ASPG: variants seen among roughly 807,000 people sequenced by gnomAD.
The protein encoded by ASPG is asparaginase, also known as 60 kDa lysophospholipase.
A neutral mutation model predicts 63.2 loss-of-function variants in ASPG; 53 were observed. The observed-to-expected ratio is 0.84, with a 90% CI of 0.67 to 1.05. The LOEUF (loss-of-function observed/expected upper bound fraction) is 1.05, where lower values mean the gene tolerates loss of function less well. Among genes scored for constraint, ASPG ranks in the 50% least tolerant of loss-of-function variants. ASPG has a pLI of 0.00. For synonymous variants in ASPG, 370 were observed against 355.0 expected (o/e 1.04, Z -0.48); for missense variants, 741 against 794.4 (o/e 0.93, Z 0.81).
chr14:104,095,492 C>A, intron 3 of ASPG, 39 bp from the exon 4 acceptor site: 1 of 1,610,460 alleles, frequency 6.2e-7, no homozygotes, highest in Non-Finnish European at 8.5e-7. Context: ...CACCTGCTTG[C>A]GAGGGGCTGG....
intron 6 of ASPG, among the ~76,000 whole-genome samples, chr14:104,101,882 G>C (rs2036893353): frequency 6.6e-6 from 1 of 152,198 alleles, no homozygotes; most frequent in East Asian, 1.9e-4. Context: ...GCCCCTCTTG[G>C]GGGTAAGGGG....
At chr14:104,112,080 A>G (rs1173059953) in intron 15 of ASPG, 80 bp downstream of exon 15, 4 of 1,341,004 alleles carry the variant, frequency 3.0e-6, no homozygotes, top group Non-Finnish European at 4.1e-6. Context: ...GGGGGGGCGT[A>G]ATCAAGGGGA....
At chr14:104,112,052 A>T in intron 15 of ASPG, 52 bp downstream of exon 15, 3 of 1,501,328 alleles carry the variant, frequency 2.0e-6, no homozygotes, top group Non-Finnish European at 1.8e-6. Flanking sequence ...CTTCTAGTGC[A>T]GGGCTGGATC....
At chr14:104,100,728 C>T (rs2036838525) in intron 6 of ASPG, among the ~76,000 whole-genome samples, 1 of 152,212 alleles carries the variant, frequency 6.6e-6, no homozygotes. Context: ...CACCGAGGGC[C>T]AGGGCAGCCC....
Position 104,112,687 on chromosome 14 carries a change from A to G in ASPG, c.*143A>G. The G allele has an allele frequency of 6.6e-7, 1 of 1,525,104 alleles. No individual in the cohort carries two copies. Among genetic ancestry groups the G allele is most frequent in the East Asian group, 2.5e-5 (1 of 40,642 alleles). 94.5% of individuals were successfully genotyped at this position (1,525,104 alleles called of 1,614,324 possible). A position where few individuals can be genotyped will look rare whatever the true frequency, so the allele number is the denominator to read the frequency against. On this transcript the variant is annotated 3_prime_UTR_variant, in exon 16 of 16. Coordinates refer to ENST00000551177, the MANE Select transcript of ASPG (RefSeq NM_001080464.3). The stretch of plus-strand genomic sequence containing the variant: ...AAGGCCTTTGTTGGGCAGGACGGCA[A>G]TAAAGTCTCTGACATCCCCTCACCA...
In ASPG at chr14:104,106,882, G is replaced by A. The variant is rs563431304; in HGVS notation, c.1257G>A (p.Ala419=). The change falls in exon 11 of 16, where the codon GCG becomes GCA. Residue 419 remains alanine (A), a synonymous_variant. Transcript: ENST00000551177. ...AHAGDVEALQ[A]LVELGSDLGL... is the part of the protein sequence containing the mutation. ...CCGGTGACGTGGAGGCGCTGCAGGC[G>A]CTTGTGGAGCTGGTGAGCCTCCCCC... The A allele has an allele frequency of 6.3e-6, 10 of 1,578,840 alleles. No individual in the cohort carries two copies. Among genetic ancestry groups the A allele is most frequent in the South Asian group, 2.3e-5 (2 of 86,396 alleles).
rs1333462683 is a variant in ASPG, at chr14:104,092,651, G to T, written c.101G>T (p.Gly34Val). The change falls in exon 2 of 16, where the codon GGC (glycine) becomes GTC (valine). Residue 34 changes from glycine to valine, a missense_variant. By Grantham distance (109) the Gly-to-Val change is moderately radical (BLOSUM62 -3). Coordinates refer to ENST00000551177, the MANE Select transcript of ASPG (RefSeq NM_001080464.3). ...CCTGCAGTGCTTGTGCCCGGGACGG[G>T]CCTGGCTGCCATCCTGAGGACACTG... The part of the protein sequence containing the change: ...SELGVLVPGT[G>V]LAAILRTLPM... 1.3e-6 allele frequency: 2 copies of T among 1,536,348 alleles called. No homozygotes were observed. Among genetic ancestry groups the T allele is most frequent in the East Asian group, 2.4e-5 (1 of 40,950 alleles).
chr14:104,108,716 G>C, intron 12 of ASPG: 1 of 985,306 alleles, frequency 1.0e-6, no homozygotes, highest in Non-Finnish European at 1.2e-6. Flanking sequence ...CACTGTCCGG[G>C]TGCCCTGCCC....
At chr14:104,101,353 C>T (rs2036867147) in intron 6 of ASPG, among the ~76,000 whole-genome samples, 1 of 152,180 alleles carries the variant, frequency 6.6e-6, no homozygotes, top group African/African-American at 2.4e-5. Flanking sequence ...GCTGCCAGCA[C>T]CCTGTCGAGG....
At chr14:104,106,471 C>T (rs993598143) in intron 10 of ASPG, among the ~76,000 whole-genome samples, 2 of 152,160 alleles carry the variant, frequency 1.3e-5, no homozygotes, top group Non-Finnish European at 2.9e-5. Context: ...CCATTCCGTC[C>T]CGACGGCGGT....
chr14:104,102,710 C>T (rs771000631), intron 6 of ASPG, among the ~76,000 whole-genome samples: 8 of 152,310 alleles, frequency 5.3e-5, no homozygotes, highest in Non-Finnish European at 8.8e-5. Flanking sequence ...TGGCATCAGC[C>T]TCCCACCCCC....
intron 1 of ASPG, 51 bp from the exon 2 acceptor site, chr14:104,092,582 G>A: frequency 6.9e-7 from 1 of 1,442,610 alleles, no homozygotes; most frequent in Non-Finnish European, 9.4e-7. Flanking sequence ...GGAGGAGGCG[G>A]CCATGGCTGT....
chr14:104,107,039 G>A, intron 11 of ASPG, 143 bp from the exon 12 acceptor site: 1 of 1,314,920 alleles, frequency 7.6e-7, no homozygotes, highest in Non-Finnish European at 1.0e-6. Context: ...TGTCCTGCCA[G>A]CTTGTCAGGT....
chr14:104,094,990 G>A (rs909131649), intron 3 of ASPG, among the ~76,000 whole-genome samples: 2 of 152,150 alleles, frequency 1.3e-5, no homozygotes, highest in Admixed American at 6.5e-5. Context: ...CACCCTCCAG[G>A]GGGTGGTGGC....
Position 104,107,173 on chromosome 14 carries a change from T to C in ASPG, c.1270-9T>C. ...CCCTCAGGGGTCGCATGTCCTTGTG[T>C]TACTCCAGGGCAGTGACCTGGGCCT... On this transcript the variant is annotated splice_polypyrimidine_tract_variant and intron_variant, in intron 11 of 15. Transcript: ENST00000551177. 6.5e-7 allele frequency: 1 copy of C among 1,547,662 alleles called. No individual in the cohort carries two copies. Among genetic ancestry groups the C allele is most frequent in the South Asian group, 1.2e-5 (1 of 81,070 alleles).
chr14:104,112,497 C>T (rs1566845153), intron 15 of ASPG, 27 bp from the exon 16 acceptor site: 2 of 1,257,648 alleles, frequency 1.6e-6, no homozygotes, highest in Non-Finnish European at 2.3e-6. Context: ...ACCTGGGTGT[C>T]CTTCTCAGGA....
intron 3 of ASPG, among the ~76,000 whole-genome samples, chr14:104,094,814 C>T (rs1390673354): frequency 6.6e-6 from 1 of 152,236 alleles, no homozygotes; most frequent in East Asian, 1.9e-4. Flanking sequence ...GCCGTCTTGC[C>T]GCGAGTGGCC....
At chr14:104,090,654 C>T (rs1197082240) in intron 1 of ASPG, among the ~76,000 whole-genome samples, 4 of 152,236 alleles carry the variant, frequency 2.6e-5, no homozygotes, top group Non-Finnish European at 4.4e-5. Flanking sequence ...CTCCAAGGGC[C>T]GCTCTGCCCT....
chr14:104,094,332 C>A (rs1439528871), intron 3 of ASPG, among the ~76,000 whole-genome samples: 1 of 152,014 alleles, frequency 6.6e-6, no homozygotes, highest in Non-Finnish European at 1.5e-5. Flanking sequence ...CCGTCCCCGC[C>A]CAGTTGGAGT....
Sources: gnomAD v4.1 joint callset for allele counts (sites outside exome capture counted in the v4.1 genomes callset) on GRCh38, gnomAD v4.1.1 for gene constraint, MANE v1.5 for transcripts, NCBI Gene and HGNC (gene_info 2026-07-23, HGNC 2026-07-21) for gene names.